GPS1: variants seen among roughly 807,000 people sequenced by gnomAD.
GPS1 encodes the protein G protein pathway suppressor 1.
A neutral mutation model predicts 60.0 loss-of-function variants in GPS1; 11 were observed. The observed-to-expected ratio is 0.18, with a 90% CI of 0.12 to 0.30. GPS1 has a LOEUF of 0.30. GPS1 is among the 10% of genes least tolerant of loss of function. GPS1 has a pLI of 1.00. For synonymous variants in GPS1, 343 were observed against 269.8 expected (o/e 1.27, Z -2.66); for missense variants, 543 against 669.2 (o/e 0.81, Z 2.08).
In GPS1 at chr17:82,054,842, G is replaced by C. The variant is rs200876960; in HGVS notation, c.609+32G>C. ...CTGCCTCGGCGGGCGGGGGTGGGCA[G>C]CATGGCTGGGCCATTGGGGCGCCCG... On this transcript the variant is annotated intron_variant, in intron 4 of 12. Coordinates refer to ENST00000578552, the MANE Select transcript of GPS1 (RefSeq NM_001321092.3). 1.1e-4 allele frequency: 169 copies of C among 1,573,920 alleles called. No homozygotes were observed. The African/African-American group carries it at 2.1e-3, about 20-fold the overall frequency.
rs779697210 is a variant in GPS1 at position 82,053,324 on chromosome 17, G to A, written c.84G>A (p.Gln28=). Residue 28 remains glutamine, a synonymous_variant, in exon 2 of 13, where the codon CAG becomes CAA. Coordinates refer to ENST00000578552, the MANE Select transcript of GPS1 (RefSeq NM_001321092.3). ...ACGTGGACCCCCAGGAAGACCCGCA[G>A]AATGCACCTGACGTCAACTACGTGG... is the stretch of plus-strand genomic sequence containing the variant. ...QIDVDPQEDP[Q]NAPDVNYVVE... The A allele has an allele frequency of 2.6e-6, 4 of 1,544,958 alleles. No homozygotes were observed. Among genetic ancestry groups the A allele is most frequent in the Non-Finnish European group, 3.5e-6 (4 of 1,154,010 alleles).
intron 1 of GPS1, chr17:82,052,718 C>A: frequency 1.9e-6 from 1 of 518,280 alleles, no homozygotes; most frequent in Non-Finnish European, 3.5e-6. Context: ...TTGTGTTAAG[C>A]CGAGGTCCTG....
chr17:82,056,989 G>C lies in GPS1; in HGVS notation c.1389+15G>C. 6.3e-7 allele frequency: 1 copy of C among 1,594,936 alleles called. No individual in the cohort carries two copies. Among genetic ancestry groups the C allele is most frequent in the East Asian group, 2.2e-5 (1 of 44,796 alleles). Reference sequence around the variant, plus strand: ...TCCATGTCAAGGTGGGCTGGCTTGAGGGGGGGCAGGCGCACGGCGTGTGGG... The same window carrying C: ...TCCATGTCAAGGTGGGCTGGCTTGACGGGGGGCAGGCGCACGGCGTGTGGG... On this transcript the variant is annotated intron_variant, in intron 12 of 12. Transcript: ENST00000578552.
intron 3 of GPS1, 33 bp from the exon 4 acceptor site, chr17:82,054,477 C>A: frequency 6.8e-7 from 1 of 1,461,250 alleles, no homozygotes; most frequent in East Asian, 2.4e-5. Context: ...CCCCCGTGAC[C>A]GCCGCCATCC....
upstream of GPS1, chr17:82,051,596 A>T (rs529961429): frequency 2.3e-4 from 297 of 1,275,838 alleles, 1 homozygote; most frequent in African/African-American, 4.0e-3. The surrounding 1 kb of genome is among the most constrained non-coding windows in gnomAD (Gnocchi z 4.1). Context: ...AGACGTCGTC[A>T]GGCCGCAGGC....
In GPS1 at chr17:82,055,889, G is replaced by A. The variant is rs1052495280; in HGVS notation, c.834+64G>A. ...GCTCATGGGTCAGGCTGCTTCTGTA[G>A]GAGGGTGAGGTCTCTCACAAATGGG... On this transcript the variant is annotated intron_variant, in intron 7 of 12. Coordinates refer to ENST00000578552, the MANE Select transcript of GPS1 (RefSeq NM_001321092.3). The A allele has an allele frequency of 2.7e-6, 4 of 1,463,932 alleles. No homozygotes were observed. The South Asian group carries it at 4.8e-5, about 17-fold the overall frequency. The allele number at this position is 1,463,932 out of a possible 1,614,324, so 90.7% of individuals were successfully genotyped here.
In GPS1 at chr17:82,055,560, C is replaced by T. The variant is rs930420570; in HGVS notation, c.749-180C>T. On this transcript the variant is annotated intron_variant, in intron 6 of 12. Coordinates refer to ENST00000578552, the MANE Select transcript of GPS1 (RefSeq NM_001321092.3). ...GGGAGCCTCCTCAGCATTGGTGGGG[C>T]TCTTTCCACCCGTGACTAGAGTATC... 8.2e-6 allele frequency: 5 copies of T among 611,688 alleles called. No individual in the cohort carries two copies. The African/African-American group carries it at 9.2e-5, about 11-fold the overall frequency. 37.9% of individuals were successfully genotyped at this position (611,688 alleles called of 1,614,324 possible). A position where few individuals can be genotyped will look rare whatever the true frequency, so the allele number is the denominator to read the frequency against.
intron 2 of GPS1, 152 bp downstream of exon 2, chr17:82,053,518 T>G: frequency 1.8e-6 from 1 of 565,594 alleles, no homozygotes; most frequent in East Asian, 3.4e-5. Flanking sequence ...GCGTTTCTGA[T>G]TGCGCACTCA....
intron 1 of GPS1, chr17:82,052,296 G>A (rs755275782): frequency 6.2e-6 from 10 of 1,612,870 alleles, no homozygotes; most frequent in Non-Finnish European, 7.6e-6. Flanking sequence ...GGTGCAGAAA[G>A]TCAGGACAGA....
At position 82,056,444 on chromosome 17, in the gene GPS1, C is replaced by T. The variant is rs760063557; in HGVS notation, c.1036-26C>T. 5 of 1,612,952 alleles carry T rather than the reference C, an allele frequency of 3.1e-6. 1 individual carries two copies. In the South Asian group the frequency reaches 3.3e-5, roughly 11 times the overall value. On this transcript the variant is annotated intron_variant, in intron 9 of 12. Transcript: ENST00000578552. ...GTGGGGCCCTGCCTGGCCTCCTGTC[C>T]TGGTCCTGACCAGCCCCTTCCCCAG...
upstream of GPS1, chr17:82,051,083 G>C: frequency 7.3e-7 from 1 of 1,369,598 alleles, no homozygotes; most frequent in East Asian, 2.8e-5. The surrounding 1 kb of genome is among the most constrained non-coding windows in gnomAD (Gnocchi z 4.1). Context: ...GCCCCGGGAA[G>C]CGGCTAGTGT....
At chr17:82,055,443 G>C (rs757300121) in intron 6 of GPS1, 1 of 624,186 alleles carries the variant, frequency 1.6e-6, no homozygotes, top group Admixed American at 2.7e-5. Flanking sequence ...CACTGTGGGC[G>C]TGAGGCAGGT....
chr17:82,056,044 C>G lies in GPS1; in HGVS notation c.878C>G (p.Ala293Gly). Residue 293 changes from alanine to glycine, a missense_variant, in exon 8 of 13, where the codon GCC becomes GGC. By Grantham distance (60) the Ala-to-Gly change is moderately conservative. Around this residue, in one of 3 missense-constraint regions of GPS1, gnomAD observed 291 missense variants for 353.7 expected, o/e 0.82. Transcript: ENST00000578552. ...GTGGCCATCTACGGTGGCCTGTGCG[C>G]CTTGGCTACCTTTGACCGGCAGGAG... ...SNVAIYGGLC[A>G]LATFDRQELQ... is the part of the protein sequence containing the mutation. 6.2e-7 allele frequency: 1 copy of G among 1,612,816 alleles called. No homozygotes were observed. Among genetic ancestry groups the G allele is most frequent in the Non-Finnish European group, 8.5e-7 (1 of 1,179,934 alleles).
rs774388126 is a variant in GPS1, at chr17:82,053,262, C to A, written c.34-12C>A. The A allele has an allele frequency of 6.5e-7, 1 of 1,529,636 alleles. No individual in the cohort carries two copies. The highest frequency in any genetic ancestry group is 8.7e-7 in the Non-Finnish European group (1 of 1,147,778). The allele number at this position is 1,529,636 out of a possible 1,614,324, so 94.8% of individuals were successfully genotyped here. ...CCAGGACGAGGTGCCAGGTGCCTGG[C>A]CCATGTTGCAGGGGGCCGTGGAGCC... On this transcript the variant is annotated splice_polypyrimidine_tract_variant and intron_variant, in intron 1 of 12. Coordinates refer to ENST00000578552, the MANE Select transcript of GPS1 (RefSeq NM_001321092.3).
Position 82,055,992 on chromosome 17 carries a change from G to T in GPS1, c.835-9G>T. ...TCACTGCCTGTGACGCCAGGTCTCT[G>T]CTCCTCAGCTGCTGTCCCCCAGCAA... is the stretch of plus-strand genomic sequence containing the variant. On this transcript the variant is annotated splice_polypyrimidine_tract_variant and intron_variant, in intron 7 of 12. Transcript: ENST00000578552. 1.2e-6 allele frequency: 2 copies of T among 1,602,304 alleles called. No individual in the cohort carries two copies. Among genetic ancestry groups the T allele is most frequent in the South Asian group, 1.1e-5 (1 of 90,766 alleles).
At chr17:82,053,490 C>G in intron 2 of GPS1, 124 bp downstream of exon 2, 1 of 700,504 alleles carries the variant, frequency 1.4e-6, no homozygotes, top group Non-Finnish European at 2.2e-6. Context: ...TCGTCTTTTT[C>G]TGACCCCGAA....
rs773262485 is a variant in GPS1 at position 82,055,843 on chromosome 17, G to T, written c.834+18G>T. 1.7e-5 allele frequency: 26 copies of T among 1,551,472 alleles called. No individual in the cohort carries two copies. Among genetic ancestry groups the T allele is most frequent in the Non-Finnish European group, 2.1e-5 (24 of 1,144,058 alleles). ...TCCCTGAGGTGAGGAGCCCTCTGGGGACTTGGGAGGCAGAGCATGGGCTCA... is the reference window on the plus strand; with the variant it reads ...TCCCTGAGGTGAGGAGCCCTCTGGGTACTTGGGAGGCAGAGCATGGGCTCA... On this transcript the variant is annotated intron_variant, in intron 7 of 12. Coordinates refer to ENST00000578552, the MANE Select transcript of GPS1 (RefSeq NM_001321092.3).
At chr17:82,053,799 G>T in intron 2 of GPS1, 69 bp from the exon 3 acceptor site, 1 of 1,490,008 alleles carries the variant, frequency 6.7e-7, no homozygotes, top group South Asian at 1.2e-5. Flanking sequence ...CCCAACTCCT[G>T]ACCCTCAGGG....
Position 82,054,020 on chromosome 17 carries a change from G to A in GPS1, c.279G>A (p.Glu93=). ...CCTTTAACGTGGACATGTACGAGGA[G>A]ATCCACCGCAAGCTCTCAGAGGCCA... is the stretch of plus-strand genomic sequence containing the variant. ...QRTFNVDMYE[E]IHRKLSEATR... Residue 93 remains glutamate, a synonymous_variant, in exon 3 of 13, where the codon GAG becomes GAA. Transcript: ENST00000578552. 3.1e-6 allele frequency: 5 copies of A among 1,611,988 alleles called. No homozygotes were observed. The highest frequency in any genetic ancestry group is 4.2e-6 in the Non-Finnish European group (5 of 1,179,368).
Sources: gnomAD v4.1 joint callset for allele counts on GRCh38, gnomAD v4.1.1 for gene constraint, gnomAD v4.1.1 regional missense constraint, Gnocchi (gnomAD v3.1) non-coding constraint, MANE v1.5 for transcripts, NCBI Gene and HGNC (gene_info 2026-07-23, HGNC 2026-07-21) for gene names.